The following RPS6KC1 variants were observed in gnomAD, a reference collection of about 807,000 sequenced individuals.
RPS6KC1 encodes inactive ribosomal protein S6 kinase delta-1.
Under a neutral mutation model 103.8 loss-of-function variants are expected in RPS6KC1, and 54 were observed. The ratio of observed to expected loss-of-function variants is 0.52; its 90% CI spans 0.42 to 0.65. The LOEUF (loss-of-function observed/expected upper bound fraction) is 0.65, where lower values mean the gene tolerates loss of function less well. RPS6KC1 is among the 30% of genes least tolerant of loss of function. The probability of loss-of-function intolerance (pLI) is 0.00; values close to 1 mark genes in which losing one functional copy is unlikely to be tolerated. For synonymous variants in RPS6KC1, 439 were observed against 438.7 expected (o/e 1.00, Z -0.01); for missense variants, 1,151 against 1,253.8 (o/e 0.92, Z 1.24).
intron 3 of RPS6KC1, among the ~76,000 whole-genome samples, chr1:213,098,890 A>G (rs750366189): frequency 6.6e-5 from 10 of 152,224 alleles, no homozygotes; most frequent in Admixed American, 1.3e-4. Flanking sequence ...TTGAAATTCA[A>G]TAAGATGAGG....
chr1:213,768,631 G>A, the RPS6KC1 span, among the ~76,000 whole-genome samples: 1 of 152,214 alleles, frequency 6.6e-6, no homozygotes, highest in Non-Finnish European at 1.5e-5. Context: ...GAGAGGAATG[G>A]CACCCCCAAC....
Position 213,258,087 on chromosome 1 carries a change from T to C in RPS6KC1, c.2912-3471T>C, listed in dbSNP as rs188796062. Among the ~76,000 whole-genome samples the C allele has an allele frequency of 4.1e-4, 62 of 152,288 alleles. No homozygotes were observed. The East Asian group carries it at 0.01, about 25-fold the overall frequency. Reference sequence around the variant, plus strand: ...ACCTCTGCCTCCTGGGTTCAAGCAATTCCTCTGCCTCGGCCTCCCGAGTAG... The same window carrying C: ...ACCTCTGCCTCCTGGGTTCAAGCAACTCCTCTGCCTCGGCCTCCCGAGTAG... On this transcript the variant is annotated intron_variant, in intron 12 of 14. Coordinates refer to ENST00000366960, the MANE Select transcript of RPS6KC1 (RefSeq NM_012424.6).
the RPS6KC1 span, among the ~76,000 whole-genome samples, chr1:213,571,419 A>G: frequency 6.6e-6 from 1 of 152,018 alleles, no homozygotes; most frequent in Non-Finnish European, 1.5e-5. Context: ...TTTTCAAAAC[A>G]CCTTGTAGAT....
the RPS6KC1 span, among the ~76,000 whole-genome samples, chr1:213,849,539 C>T: frequency 3.9e-5 from 6 of 152,194 alleles, no homozygotes; most frequent in African/African-American, 1.4e-4. Flanking sequence ...TTTCAGCTCT[C>T]TGGTGGTACA....
chr1:213,775,214 T>C, the RPS6KC1 span, among the ~76,000 whole-genome samples: 4 of 152,196 alleles, frequency 2.6e-5, no homozygotes, highest in Non-Finnish European at 4.4e-5. Context: ...GTGTATACCA[T>C]GAAACTATTT....
At chr1:213,634,822 A>G in the RPS6KC1 span, among the ~76,000 whole-genome samples, 9 of 152,162 alleles carry the variant, frequency 5.9e-5, no homozygotes, top group South Asian at 1.5e-3. Flanking sequence ...CAAAAAATCA[A>G]TGAATCCGGG....
chr1:213,357,014 G>A, the RPS6KC1 span, among the ~76,000 whole-genome samples: 1 of 152,354 alleles, frequency 6.6e-6, no homozygotes, highest in East Asian at 1.9e-4. Flanking sequence ...ACCAGCACAG[G>A]GAGGGGCAGA....
At chr1:213,664,157 G>A in the RPS6KC1 span, among the ~76,000 whole-genome samples, 1 of 146,686 alleles carries the variant, frequency 6.8e-6, no homozygotes, top group African/African-American at 2.5e-5. Flanking sequence ...GTGATGTGGG[G>A]AGAGGCAGGG....
chr1:213,355,976 A>T, the RPS6KC1 span, among the ~76,000 whole-genome samples: 1 of 152,196 alleles, frequency 6.6e-6, no homozygotes, highest in Non-Finnish European at 1.5e-5. Flanking sequence ...TGTTATGAGG[A>T]TTAAATGGGC....
chr1:213,668,466 T>A, the RPS6KC1 span, among the ~76,000 whole-genome samples: 1 of 125,824 alleles, frequency 7.9e-6, no homozygotes, highest in East Asian at 2.6e-4. Flanking sequence ...CAGTAAACCA[T>A]GCTGTAGACA....
chr1:213,189,448 CAAA>C (rs35941412), intron 8 of RPS6KC1, among the ~76,000 whole-genome samples: 30 of 103,544 alleles, frequency 2.9e-4, no homozygotes, highest in South Asian at 1.0e-3. Context: ...GCCTTTGTCT[CAAA>C]AAAAAAAAAA....
chr1:213,222,571 A>G (rs909461504), intron 8 of RPS6KC1, among the ~76,000 whole-genome samples: 2 of 152,196 alleles, frequency 1.3e-5, no homozygotes, highest in African/African-American at 2.4e-5. Flanking sequence ...TACAGGGAAC[A>G]TTGCTGGCCT....
intron 3 of RPS6KC1, among the ~76,000 whole-genome samples, chr1:213,080,226 C>A (rs2079746252): frequency 6.6e-6 from 1 of 151,942 alleles, no homozygotes; most frequent in African/African-American, 2.4e-5. Context: ...CCCATTTTTT[C>A]TTGATTTAAC....
intron 4 of RPS6KC1, among the ~76,000 whole-genome samples, 198 bp from the exon 5 acceptor site, chr1:213,117,119 G>T (rs1434908866): frequency 6.6e-6 from 1 of 152,018 alleles, no homozygotes; most frequent in Non-Finnish European, 1.5e-5. Context: ...TAAATATCTT[G>T]GGTTGGTGTA....
chr1:213,389,436 G>A, the RPS6KC1 span, among the ~76,000 whole-genome samples: 1,514 of 152,356 alleles, frequency 9.9e-3, 11 homozygotes, highest in Non-Finnish European at 0.016. Context: ...ACAGGGAAGC[G>A]TGGAGTCTGC....
chr1:213,404,242 T>A, the RPS6KC1 span, among the ~76,000 whole-genome samples: 1 of 151,820 alleles, frequency 6.6e-6, no homozygotes, highest in Admixed American at 6.6e-5. Context: ...TACACTGGGG[T>A]TGAGGTGGCT....
At chr1:213,663,480 A>C in the RPS6KC1 span, among the ~76,000 whole-genome samples, 15 of 152,258 alleles carry the variant, frequency 9.9e-5, no homozygotes, top group Admixed American at 2.6e-4. Flanking sequence ...TTCTCTCTCT[A>C]CATCTATTCT....
intron 6 of RPS6KC1, among the ~76,000 whole-genome samples, chr1:213,151,451 G>A (rs528788056): frequency 4.3e-5 from 6 of 139,630 alleles, no homozygotes; most frequent in Middle Eastern, 3.9e-3. Context: ...CTCCCGGATG[G>A]GGCGGCTGGC....
the RPS6KC1 span, among the ~76,000 whole-genome samples, chr1:213,732,474 A>G: frequency 6.6e-6 from 1 of 152,184 alleles, no homozygotes; most frequent in Non-Finnish European, 1.5e-5. Flanking sequence ...CAACTCCTTC[A>G]AGGCAGGCAA....
Sources: allele counts gnomAD v4.1 joint callset (sites outside exome capture counted in the v4.1 genomes callset), GRCh38; gene constraint gnomAD v4.1.1; transcripts MANE v1.5; gene names NCBI Gene and HGNC (gene_info 2026-07-23, HGNC 2026-07-21).